The following PRELID2 variants were observed in gnomAD, a reference collection of about 807,000 sequenced individuals.
PRELID2 encodes the protein PRELI domain containing 2.
A neutral mutation model predicts 28.4 loss-of-function variants in PRELID2; 25 were observed. That is an observed-to-expected ratio of 0.88 (90% CI 0.64 to 1.23). The LOEUF is 1.23. Ranked by LOEUF, PRELID2 falls within the 50% of genes most tolerant of loss-of-function variation. The probability of loss-of-function intolerance (pLI) is 0.00; values close to 1 mark genes in which losing one functional copy is unlikely to be tolerated. For synonymous variants in PRELID2, 76 were observed against 71.6 expected, an observed-to-expected ratio of 1.06 and a Z score of -0.31; for missense variants, 201 against 214.4, an observed-to-expected ratio of 0.94 and a Z score of 0.39.
the PRELID2 span, among the ~76,000 whole-genome samples, chr5:145,346,351 A>G: frequency 6.6e-6 from 1 of 152,144 alleles, no homozygotes; most frequent in East Asian, 1.9e-4. Context: ...TAAGATGTGT[A>G]AGATTGACAG....
intron 1 of PRELID2, among the ~76,000 whole-genome samples, chr5:145,825,489 T>C (rs1053000479): frequency 2.0e-5 from 3 of 152,202 alleles, no homozygotes; most frequent in Non-Finnish European, 2.9e-5. Flanking sequence ...TCTCGTTTAC[T>C]ACAGTTCTAG....
At chr5:145,528,022 C>T (rs1752623787) in intron 1 of PRELID2, among the ~76,000 whole-genome samples, 1 of 152,026 alleles carries the variant, frequency 6.6e-6, no homozygotes, top group South Asian at 2.1e-4. Flanking sequence ...TCCCATCTCC[C>T]AGCGACCACC....
chr5:145,457,246 G>A, the PRELID2 span, among the ~76,000 whole-genome samples: 10,521 of 152,190 alleles, frequency 0.069, 454 homozygotes, highest in Non-Finnish European at 0.1. Flanking sequence ...TAACCCATCT[G>A]AATTATTATC....
intron 1 of PRELID2, among the ~76,000 whole-genome samples, chr5:145,697,650 C>G (rs1162731842): frequency 6.6e-6 from 1 of 152,118 alleles, no homozygotes; most frequent in Non-Finnish European, 1.5e-5. Flanking sequence ...AGTTTCCTGA[C>G]CCTCTACTCT....
At chr5:145,541,167 A>G (rs1023637383) in intron 1 of PRELID2, among the ~76,000 whole-genome samples, 10 of 152,106 alleles carry the variant, frequency 6.6e-5, no homozygotes, top group Non-Finnish European at 1.3e-4. Flanking sequence ...ATACAAAAGA[A>G]TGATGTAGAT....
the PRELID2 span, among the ~76,000 whole-genome samples, chr5:145,415,509 C>G: frequency 1.4e-5 from 2 of 142,796 alleles, no homozygotes; most frequent in Non-Finnish European, 3.0e-5. Context: ...CAATTCCCAT[C>G]TATGAGCGAG....
the PRELID2 span, among the ~76,000 whole-genome samples, chr5:145,333,770 G>T: frequency 6.6e-6 from 1 of 151,230 alleles, no homozygotes; most frequent in South Asian, 2.1e-4. Flanking sequence ...CCTTTTAAGG[G>T]GAGTGATCAG....
At chr5:145,603,369 GGGCTAAC>G (rs58610167) in intron 1 of PRELID2, among the ~76,000 whole-genome samples, 18,420 of 151,270 alleles carry the variant, frequency 0.12, 3,098 homozygotes, top group African/African-American at 0.38. Context: ...TGTAAACCAG[GGGCTAAC>G]GGCTAACTTC....
At chr5:145,485,044 T>C (rs910513210) in intron 1 of PRELID2, among the ~76,000 whole-genome samples, 2 of 152,184 alleles carry the variant, frequency 1.3e-5, no homozygotes, top group Non-Finnish European at 2.9e-5. Flanking sequence ...ACCTGCAACA[T>C]AGCAATATCC....
intron 1 of PRELID2, among the ~76,000 whole-genome samples, chr5:145,692,253 T>A (rs1218782719): frequency 6.6e-6 from 1 of 152,130 alleles, no homozygotes; most frequent in African/African-American, 2.4e-5. Flanking sequence ...GGTAAATAGA[T>A]TTTAAACTGA....
In PRELID2 at chr5:145,705,939, T is replaced by TACACACACACACAC. The variant is rs61283424; in HGVS notation, n.70+58978_70+58991dup. ...CACCACCCATGCACACATGTGCGCC[T>TACACACACACACAC]ACACACACACACACACACACACACA... is the stretch of plus-strand genomic sequence containing the variant. On this transcript the variant is annotated intron_variant and non_coding_transcript_variant, in intron 1 of 2. Coordinates refer to the PRELID2 transcript ENST00000510259. Among the ~76,000 whole-genome samples the TACACACACACACAC allele has an allele frequency of 1.6e-3, 230 of 145,596 alleles. 4 individuals are homozygous for TACACACACACACAC. The highest frequency in any genetic ancestry group is 5.4e-3 in the African/African-American group (212 of 39,592).
At chr5:145,388,012 G>A in the PRELID2 span, among the ~76,000 whole-genome samples, 1 of 150,450 alleles carries the variant, frequency 6.6e-6, no homozygotes, top group Non-Finnish European at 1.5e-5. Context: ...ATTTAAAGAG[G>A]CTTATCATTA....
rs376537739 is a variant in PRELID2, at chr5:145,495,869, C to A, written n.71-22554G>T. Among the ~76,000 whole-genome samples the A allele has an allele frequency of 1.1e-4, 17 of 152,228 alleles. 1 individual carries two copies. The highest frequency in any genetic ancestry group is 4.1e-4 in the African/African-American group (17 of 41,568). The stretch of plus-strand genomic sequence containing the variant: ...AATTCCCCTGGGTTTTGCACCAGTT[C>A]TTTGCTCTACCTCATTGAATAAAAA... On this transcript the variant is annotated intron_variant and non_coding_transcript_variant, in intron 1 of 2. Coordinates refer to the PRELID2 transcript ENST00000510259.
chr5:145,317,092 A>C, the PRELID2 span, among the ~76,000 whole-genome samples: 3 of 152,214 alleles, frequency 2.0e-5, no homozygotes, highest in Non-Finnish European at 1.5e-5. Flanking sequence ...AGGTTGCAGG[A>C]GACACGATGT....
the PRELID2 span, among the ~76,000 whole-genome samples, chr5:145,263,802 C>A: frequency 5.4e-4 from 82 of 150,856 alleles, no homozygotes; most frequent in African/African-American, 1.9e-3. Context: ...AATAGAAAAT[C>A]TGAACAGACT....
chr5:145,722,435 G>T (rs963941703), intron 1 of PRELID2, among the ~76,000 whole-genome samples: 6 of 152,122 alleles, frequency 3.9e-5, no homozygotes, highest in Non-Finnish European at 5.9e-5. Context: ...GACTAGCTGG[G>T]ATTACAGGCG....
chr5:145,427,027 A>G, the PRELID2 span, among the ~76,000 whole-genome samples: 1 of 152,334 alleles, frequency 6.6e-6, no homozygotes, highest in East Asian at 1.9e-4. Flanking sequence ...TCATAATTGG[A>G]CAAGGTACAG....
chr5:145,396,425 G>A, the PRELID2 span, among the ~76,000 whole-genome samples: 1 of 150,500 alleles, frequency 6.6e-6, no homozygotes, highest in South Asian at 2.1e-4. Flanking sequence ...TAATTTGCCT[G>A]TGAACCAAAG....
chr5:145,441,765 C>T, the PRELID2 span, among the ~76,000 whole-genome samples: 1 of 152,072 alleles, frequency 6.6e-6, no homozygotes, highest in Non-Finnish European at 1.5e-5. Context: ...CTGCAGTTTG[C>T]TCTGTTAGCA....
Sources: gnomAD v4.1 joint callset for allele counts (sites outside exome capture counted in the v4.1 genomes callset) on GRCh38, gnomAD v4.1.1 for gene constraint, MANE v1.5 for transcripts, NCBI Gene and HGNC (gene_info 2026-07-23, HGNC 2026-07-21) for gene names.